The following NTM variants were observed in gnomAD, a reference collection of about 807,000 sequenced individuals.
The protein encoded by NTM is IgLON family member 2.
Under a neutral mutation model 42.1 loss-of-function variants are expected in NTM, and 13 were observed. The ratio of observed to expected loss-of-function variants is 0.31; its 90% CI spans 0.20 to 0.49. The LOEUF (loss-of-function observed/expected upper bound fraction) is 0.49. Among genes scored for constraint, NTM ranks in the 20% least tolerant of loss-of-function variants. The probability of loss-of-function intolerance (pLI) is 0.99; values close to 1 mark genes in which losing one functional copy is unlikely to be tolerated. For missense variants in NTM, 373 were observed against 452.8 expected, an observed-to-expected ratio of 0.82 and a Z score of 1.60; for synonymous variants, 187 against 179.2, an observed-to-expected ratio of 1.04 and a Z score of -0.35.
At chr11:131,691,615 A>G (rs2074745146) in intron 1 of NTM, among the ~76,000 whole-genome samples, 2 of 145,914 alleles carry the variant, frequency 1.4e-5, no homozygotes, top group Non-Finnish European at 3.0e-5. Context: ...CTTCTCTTCC[A>G]TGTTGTCTTC....
intron 1 of NTM, among the ~76,000 whole-genome samples, chr11:131,510,807 G>C (rs971516403): frequency 2.6e-5 from 4 of 152,126 alleles, no homozygotes; most frequent in African/African-American, 9.7e-5. Flanking sequence ...CCGGGTCTGT[G>C]GGGGTGCTGG....
In NTM at chr11:131,370,671, CTTG is replaced by C. The variant is rs1412115322; in HGVS notation, c.-131_-129del. ...CATACTCTCTCACACCCTCGGCTTT[CTTG>C]TTGTGTCCTTCAGCAAAACAGTGGA... On this transcript the variant is annotated 5_prime_UTR_variant, in exon 1 of 9. Coordinates refer to ENST00000683400, the MANE Select transcript of NTM (RefSeq NM_001352005.2). 4 of 702,774 alleles carry C rather than the reference CTTG, an allele frequency of 5.7e-6. No homozygotes were observed. Among genetic ancestry groups the C allele is most frequent in the Admixed American group, 5.4e-5 (2 of 36,786 alleles). The allele number at this position is 702,774 out of a possible 1,614,324, so 43.5% of individuals were successfully genotyped here.
chr11:131,407,959 T>C (rs7947220), intron 1 of NTM, among the ~76,000 whole-genome samples: 74,975 of 152,158 alleles, frequency 0.49, 19,818 homozygotes, highest in East Asian at 0.89. Flanking sequence ...ATGGTACTTA[T>C]TCACTGGTTA....
chr11:132,007,641 G>T (rs1238887380), intron 2 of NTM, among the ~76,000 whole-genome samples: 1 of 152,184 alleles, frequency 6.6e-6, no homozygotes, highest in Non-Finnish European at 1.5e-5. Flanking sequence ...ACTATTTAAA[G>T]AAATCTATGG....
At chr11:131,875,260 A>G (rs1289961653) in intron 1 of NTM, among the ~76,000 whole-genome samples, 1 of 152,240 alleles carries the variant, frequency 6.6e-6, no homozygotes, top group Non-Finnish European at 1.5e-5. Flanking sequence ...TTTTACGTAG[A>G]GAAAGTTTCC....
At chr11:132,213,567 A>G (rs2083268922) in intron 4 of NTM, among the ~76,000 whole-genome samples, 2 of 152,054 alleles carry the variant, frequency 1.3e-5, no homozygotes. Flanking sequence ...GACAGTGTCC[A>G]CTATACTTCA....
intron 1 of NTM, among the ~76,000 whole-genome samples, chr11:131,488,238 G>A (rs571231293): frequency 1.3e-5 from 2 of 152,262 alleles, no homozygotes; most frequent in South Asian, 2.1e-4. Flanking sequence ...TAGGTTGGCC[G>A]GGTGGTCTTT....
At chr11:132,295,051 A>G (rs1266553606) in intron 4 of NTM, among the ~76,000 whole-genome samples, 1 of 152,128 alleles carries the variant, frequency 6.6e-6, no homozygotes, top group Non-Finnish European at 1.5e-5. Context: ...CTTAAGAAAT[A>G]TGGAATAAAA....
chr11:131,524,130 T>C (rs906785262), intron 1 of NTM, among the ~76,000 whole-genome samples: 3 of 152,230 alleles, frequency 2.0e-5, no homozygotes, highest in Admixed American at 6.5e-5. Context: ...TGGTCTCAGT[T>C]AGGCCTAGCA....
Position 131,743,993 on chromosome 11 carries a change from C to T in NTM, c.83-167571C>T, listed in dbSNP as rs573505163. 7.2e-5 allele frequency among the ~76,000 whole-genome samples: 11 copies of T among 152,128 alleles called. No homozygotes were observed. The South Asian group carries it at 1.9e-3, about 26-fold the overall frequency. ...ATCAAATTAGTTCTTAAGATGAGAC[C>T]CAAATGACCATTTATGCTAGAAACT... On this transcript the variant is annotated intron_variant, in intron 1 of 8. Transcript: ENST00000683400.
At chr11:132,057,643 C>T (rs2079911587) in intron 2 of NTM, among the ~76,000 whole-genome samples, 1 of 152,158 alleles carries the variant, frequency 6.6e-6, no homozygotes, top group Non-Finnish European at 1.5e-5. Context: ...CTGTCTTCTC[C>T]TTCATGGTCT....
intron 1 of NTM, among the ~76,000 whole-genome samples, chr11:131,643,382 G>C (rs1040368594): frequency 2.0e-5 from 3 of 152,370 alleles, no homozygotes; most frequent in African/African-American, 7.2e-5. Flanking sequence ...GTGTACCCGG[G>C]TGTGCGCGGA....
chr11:131,714,420 A>G (rs1033285689), intron 1 of NTM, among the ~76,000 whole-genome samples: 5 of 152,030 alleles, frequency 3.3e-5, no homozygotes, highest in Non-Finnish European at 7.4e-5. Flanking sequence ...TGAACTCCTG[A>G]CTTCAGGTGA....
chr11:131,916,064 A>AC (rs2056303065), intron 2 of NTM, among the ~76,000 whole-genome samples: 1 of 152,126 alleles, frequency 6.6e-6, no homozygotes, highest in Non-Finnish European at 1.5e-5. Context: ...GAGGTCATGG[A>AC]CCTTGTGAGG....
At chr11:131,807,705 C>T (rs1308189778) in intron 1 of NTM, among the ~76,000 whole-genome samples, 4 of 152,106 alleles carry the variant, frequency 2.6e-5, no homozygotes, top group Non-Finnish European at 5.9e-5. Context: ...GAGCTGGCAC[C>T]CACCACTGTC....
intron 2 of NTM, among the ~76,000 whole-genome samples, chr11:132,065,976 T>A (rs1450127984): frequency 1.3e-5 from 2 of 152,228 alleles, no homozygotes; most frequent in African/African-American, 2.4e-5. Context: ...TCTTTATTTT[T>A]TTTCCAATGT....
chr11:131,838,951 A>G (rs2043864783), intron 1 of NTM, among the ~76,000 whole-genome samples: 1 of 151,658 alleles, frequency 6.6e-6, no homozygotes, highest in African/African-American at 2.4e-5. Flanking sequence ...TAAATGAAAT[A>G]AGTAAATAAT....
At position 131,531,194 on chromosome 11, in the gene NTM, G is replaced by A. The variant is rs550527144; in HGVS notation, c.82+160306G>A. Reference sequence around the variant, plus strand: ...CTTTGTTGCCAAGGCTAGATGCAATGGTGTGATTATGGCTCACTGCAGCCT... The same window carrying A: ...CTTTGTTGCCAAGGCTAGATGCAATAGTGTGATTATGGCTCACTGCAGCCT... On this transcript the variant is annotated intron_variant, in intron 1 of 8. Coordinates refer to ENST00000683400, the MANE Select transcript of NTM (RefSeq NM_001352005.2). 2.0e-5 allele frequency among the ~76,000 whole-genome samples: 3 copies of A among 152,300 alleles called. No individual in the cohort carries two copies. In the East Asian group the frequency reaches 5.8e-4, roughly 29 times the overall value.
intron 4 of NTM, among the ~76,000 whole-genome samples, chr11:132,266,266 G>T (rs1332248081): frequency 6.6e-6 from 1 of 152,108 alleles, no homozygotes. Flanking sequence ...CAGCTGTGTC[G>T]CCCAGTCTCC....
Sources: allele counts gnomAD v4.1 joint callset (sites outside exome capture counted in the v4.1 genomes callset), GRCh38; gene constraint gnomAD v4.1.1; transcripts MANE v1.5; gene names NCBI Gene and HGNC (gene_info 2026-07-23, HGNC 2026-07-21).